CORIN: variants seen among roughly 807,000 people sequenced by gnomAD.
CORIN encodes corin, serine peptidase, also known as atrial natriuretic peptide-converting enzyme.
CORIN carries 117 observed loss-of-function variants against 125.3 expected under a neutral mutation model. The ratio of observed to expected loss-of-function variants is 0.93; its 90% CI spans 0.80 to 1.09. The LOEUF (loss-of-function observed/expected upper bound fraction) is 1.09, where lower values mean the gene tolerates loss of function less well. Among genes scored for constraint, CORIN ranks in the 50% least tolerant of loss-of-function variants. The pLI is 0.00. For missense variants in CORIN, 1,253 were observed against 1,306.7 expected, an observed-to-expected ratio of 0.96 and a Z score of 0.63; for synonymous variants, 450 against 466.4, an observed-to-expected ratio of 0.96 and a Z score of 0.45.
At chr4:47,646,677 G>A (rs2351795) in intron 13 of CORIN, among the ~76,000 whole-genome samples, 1,882 of 152,300 alleles carry the variant, frequency 0.012, 51 homozygotes, top group African/African-American at 0.043. Flanking sequence ...TGGCTAGCAT[G>A]TAGCAGGCCC....
At chr4:47,762,450 T>A (rs1269053803) in intron 4 of CORIN, among the ~76,000 whole-genome samples, 1 of 152,232 alleles carries the variant, frequency 6.6e-6, no homozygotes. Flanking sequence ...TTTTTTTAAG[T>A]GTATACTTAA....
chr4:47,626,027 G>T (rs1722544222), intron 17 of CORIN, among the ~76,000 whole-genome samples: 1 of 152,086 alleles, frequency 6.6e-6, no homozygotes, highest in East Asian at 1.9e-4. Flanking sequence ...TCCTCTCTTA[G>T]ACATTCCAAG....
At position 47,595,817 on chromosome 4, in the gene CORIN, A is replaced by C; in HGVS notation, c.3033T>G (p.Phe1011Leu). 6.2e-7 allele frequency: 1 copy of C among 1,613,856 alleles called. No individual in the cohort carries two copies. Among genetic ancestry groups the C allele is most frequent in the Non-Finnish European group, 8.5e-7 (1 of 1,179,856 alleles). Residue 1011 changes from phenylalanine (F) to leucine (L), a missense_variant, in exon 22 of 22, where the codon TTT becomes TTG. By Grantham distance (22) the Phe-to-Leu change is conservative. Transcript: ENST00000273857. ...AAACGCCAGGCCCCAGGACTTTGGA[A>C]AAGCAGACGGAGCCCCATGAAGTTA... Reference protein sequence around the residue: ...FGLTSWGSVCFSKVLGPGVYS... With the variant: ...FGLTSWGSVCLSKVLGPGVYS...
At chr4:47,692,391 C>T (rs1027165054) in intron 6 of CORIN, among the ~76,000 whole-genome samples, 12 of 151,992 alleles carry the variant, frequency 7.9e-5, no homozygotes, top group African/African-American at 2.9e-4. Context: ...AAGTGCAAAA[C>T]AACTTGAAAT....
rs574128187 is a variant in CORIN at position 47,630,771 on chromosome 4, A to G, written c.2199-4250T>C. Among the ~76,000 whole-genome samples the G allele has an allele frequency of 4.6e-5, 7 of 152,346 alleles. No individual in the cohort carries two copies. In the South Asian group the frequency reaches 1.4e-3, roughly 32 times the overall value. ...CTGAGAACAGTGGGTTTCAAACTTT[A>G]GCATTCATCAGAATCACCTGGAGGA... On this transcript the variant is annotated intron_variant, in intron 16 of 21. Transcript: ENST00000273857.
intron 8 of CORIN, chr4:47,679,449 C>T (rs751702812): frequency 6.6e-6 from 1 of 152,066 alleles, no homozygotes; most frequent in African/African-American, 2.4e-5. Flanking sequence ...GTGTAATCTC[C>T]ACCTCCCTGG....
At chr4:47,813,041 C>G (rs759668487) in intron 1 of CORIN, among the ~76,000 whole-genome samples, 2 of 152,188 alleles carry the variant, frequency 1.3e-5, no homozygotes, top group African/African-American at 2.4e-5. Flanking sequence ...GGAATCAGAT[C>G]AGACACCACC....
intron 4 of CORIN, among the ~76,000 whole-genome samples, chr4:47,754,946 G>A (rs1421600850): frequency 6.6e-6 from 1 of 152,160 alleles, no homozygotes; most frequent in African/African-American, 2.4e-5. Context: ...ACATAAAAGA[G>A]TTTTTGAGAA....
chr4:47,675,491 A>G (rs139029947), intron 9 of CORIN, among the ~76,000 whole-genome samples: 258 of 152,180 alleles, frequency 1.7e-3, no homozygotes, highest in African/African-American at 6.0e-3. Flanking sequence ...CTCAAAGCAA[A>G]CCTAAACAAT....
At chr4:47,620,477 G>T (rs1722261578) in intron 19 of CORIN, among the ~76,000 whole-genome samples, 1 of 152,236 alleles carries the variant, frequency 6.6e-6, no homozygotes, top group East Asian at 1.9e-4. Context: ...ATTATAGAGT[G>T]TTATTCCAAA....
At chr4:47,653,033 C>T (rs534552484) in intron 13 of CORIN, among the ~76,000 whole-genome samples, 30 of 152,296 alleles carry the variant, frequency 2.0e-4, no homozygotes, top group African/African-American at 6.7e-4. Flanking sequence ...TCCACAGTTT[C>T]AGTTATCCCT....
At chr4:47,649,819 C>T (rs1723662893) in intron 13 of CORIN, among the ~76,000 whole-genome samples, 1 of 152,134 alleles carries the variant, frequency 6.6e-6, no homozygotes, top group Non-Finnish European at 1.5e-5. Flanking sequence ...GAAATCAATC[C>T]TGAAAATTCC....
chr4:47,677,083 A>G (rs1163059285), intron 9 of CORIN, among the ~76,000 whole-genome samples: 1 of 152,228 alleles, frequency 6.6e-6, no homozygotes. Context: ...GATTATGAAT[A>G]TACACAGCCC....
intron 10 of CORIN, among the ~76,000 whole-genome samples, chr4:47,671,007 C>A (rs556179474): frequency 4.6e-5 from 7 of 152,290 alleles, no homozygotes; most frequent in African/African-American, 1.4e-4. Context: ...AAATAAGCTT[C>A]TCCACTGAAA....
At chr4:47,741,192 C>A (rs1728378600) in intron 5 of CORIN, among the ~76,000 whole-genome samples, 2 of 151,940 alleles carry the variant, frequency 1.3e-5, no homozygotes, top group African/African-American at 4.8e-5. Flanking sequence ...GCTTAAAAGG[C>A]ACACTTGCAT....
chr4:47,782,034 T>C (rs983422803), intron 3 of CORIN, among the ~76,000 whole-genome samples: 14 of 152,118 alleles, frequency 9.2e-5, no homozygotes, highest in African/African-American at 3.4e-4. Context: ...ACAACAATTG[T>C]AAATATTTAC....
chr4:47,623,781 T>G, intron 18 of CORIN, 36 bp from the exon 19 acceptor site: 1 of 1,601,348 alleles, frequency 6.2e-7, no homozygotes, highest in Admixed American at 1.7e-5. Context: ...TGTGAGTTGA[T>G]GCCAAACCTT....
chr4:47,780,232 A>T (rs372439127), intron 3 of CORIN, among the ~76,000 whole-genome samples: 13 of 152,206 alleles, frequency 8.5e-5, no homozygotes, highest in African/African-American at 3.1e-4. Context: ...TCCTGTGTAC[A>T]TGTATGTGTA....
intron 2 of CORIN, among the ~76,000 whole-genome samples, chr4:47,791,491 A>G (rs1731076880): frequency 6.6e-6 from 1 of 152,216 alleles, no homozygotes; most frequent in Admixed American, 6.5e-5. Context: ...AATTAATACA[A>G]GCACCTTGCT....
Sources: allele counts gnomAD v4.1 joint callset (sites outside exome capture counted in the v4.1 genomes callset), GRCh38; gene constraint gnomAD v4.1.1; transcripts MANE v1.5; gene names NCBI Gene and HGNC (gene_info 2026-07-23, HGNC 2026-07-21).